The following BMPR1B variants were observed in gnomAD, a reference collection of about 807,000 sequenced individuals.
BMPR1B encodes the protein bone morphogenetic protein receptor type 1B, also known as bone morphogenetic protein receptor type-1B.
A neutral mutation model predicts 59.1 loss-of-function variants in BMPR1B; 12 were observed. The ratio of observed to expected loss-of-function variants is 0.20; its 90% CI spans 0.13 to 0.33. BMPR1B has a LOEUF of 0.33. Ranked by LOEUF, BMPR1B falls within the 10% of genes least tolerant of loss-of-function variation. The pLI is 1.00. For synonymous variants in BMPR1B, 237 were observed against 207.3 expected, an observed-to-expected ratio of 1.14 and a Z score of -1.23; for missense variants, 550 against 610.9, an observed-to-expected ratio of 0.90 and a Z score of 1.05.
chr4:95,101,256 A>G (rs1022219975), intron 3 of BMPR1B, among the ~76,000 whole-genome samples: 1 of 152,106 alleles, frequency 6.6e-6, no homozygotes, highest in South Asian at 2.1e-4. Flanking sequence ...TGTTCACTGA[A>G]TGTTTGCAGT....
At chr4:94,764,167 A>T (rs1204453562) in intron 1 of BMPR1B, among the ~76,000 whole-genome samples, 2 of 152,164 alleles carry the variant, frequency 1.3e-5, no homozygotes, top group African/African-American at 4.8e-5. Flanking sequence ...GCCACTCCAG[A>T]ACCACTCTCA....
At chr4:94,929,092 A>G (rs1728997183) in intron 2 of BMPR1B, among the ~76,000 whole-genome samples, 1 of 152,150 alleles carries the variant, frequency 6.6e-6, no homozygotes, top group African/African-American at 2.4e-5. Context: ...ATTGTGGAGC[A>G]TGAAACTTGG....
intron 2 of BMPR1B, among the ~76,000 whole-genome samples, chr4:94,959,599 A>G (rs1036833227): frequency 1.3e-5 from 2 of 152,198 alleles, no homozygotes; most frequent in Non-Finnish European, 2.9e-5. Flanking sequence ...CACATTGGCT[A>G]TCTTTATAAG....
intron 3 of BMPR1B, among the ~76,000 whole-genome samples, chr4:95,035,121 A>G (rs941667573): frequency 4.0e-5 from 6 of 151,896 alleles, no homozygotes; most frequent in African/African-American, 1.4e-4. Context: ...CCACTTTTCA[A>G]TGGGATTATT....
At chr4:94,970,896 AT>A (rs961044883) in intron 2 of BMPR1B, among the ~76,000 whole-genome samples, 11 of 151,968 alleles carry the variant, frequency 7.2e-5, no homozygotes, top group Admixed American at 2.0e-4. Flanking sequence ...TTTAAGTTAC[AT>A]TTTTTTGGAT....
chr4:94,925,478 A>G (rs1728849128), intron 2 of BMPR1B, among the ~76,000 whole-genome samples: 1 of 152,144 alleles, frequency 6.6e-6, no homozygotes, highest in Non-Finnish European at 1.5e-5. Flanking sequence ...TCTTAATCAC[A>G]TACTGGCTTC....
chr4:94,982,938 T>G, intron 2 of BMPR1B, among the ~76,000 whole-genome samples: 1 of 150,802 alleles, frequency 6.6e-6, no homozygotes, highest in South Asian at 2.1e-4. Flanking sequence ...TGAGAGGAGA[T>G]CGTGCCACTG....
At chr4:94,849,248 C>A (rs574549255) in intron 1 of BMPR1B, among the ~76,000 whole-genome samples, 3 of 151,868 alleles carry the variant, frequency 2.0e-5, no homozygotes, top group African/African-American at 7.3e-5. Flanking sequence ...TGTGTCCTGG[C>A]AGCCATGTGA....
At chr4:94,954,076 T>C (rs1730051563) in intron 2 of BMPR1B, among the ~76,000 whole-genome samples, 1 of 152,172 alleles carries the variant, frequency 6.6e-6, no homozygotes, top group Admixed American at 6.5e-5. Context: ...TTGTGTATGC[T>C]TCACAAAGTT....
intron 3 of BMPR1B, among the ~76,000 whole-genome samples, chr4:95,097,281 G>GA (rs1730500871): frequency 6.6e-6 from 1 of 151,056 alleles, no homozygotes; most frequent in Non-Finnish European, 1.5e-5. Flanking sequence ...AGGAATAAAA[G>GA]AAAAAAATGG....
At chr4:94,908,266 G>A (rs1414509430) in intron 2 of BMPR1B, among the ~76,000 whole-genome samples, 1 of 151,042 alleles carries the variant, frequency 6.6e-6, no homozygotes, top group Non-Finnish European at 1.5e-5. Flanking sequence ...ATTTTGTAAG[G>A]GTAAATTTAA....
intron 1 of BMPR1B, among the ~76,000 whole-genome samples, chr4:94,760,193 A>G (rs1721706009): frequency 6.6e-6 from 1 of 152,182 alleles, no homozygotes. Flanking sequence ...CACTATTTAT[A>G]GGGGCTTTGC....
intron 3 of BMPR1B, among the ~76,000 whole-genome samples, chr4:95,058,148 A>G (rs140828091): frequency 1.3e-3 from 205 of 152,320 alleles, no homozygotes; most frequent in African/African-American, 4.9e-3. Context: ...ATGTCTCATA[A>G]AGAACATCTC....
At chr4:94,827,540 G>A (rs1724428961) in intron 1 of BMPR1B, among the ~76,000 whole-genome samples, 1 of 152,112 alleles carries the variant, frequency 6.6e-6, no homozygotes, top group African/African-American at 2.4e-5. Flanking sequence ...TTAGGCATGT[G>A]AGCAGACAAA....
intron 1 of BMPR1B, among the ~76,000 whole-genome samples, chr4:94,766,154 G>A (rs1175758679): frequency 2.0e-5 from 3 of 152,080 alleles, no homozygotes; most frequent in African/African-American, 7.2e-5. Flanking sequence ...AACCCTTTCT[G>A]AGCCTTTGTT....
At chr4:94,858,974 C>T (rs933159781) in intron 1 of BMPR1B, among the ~76,000 whole-genome samples, 7 of 152,080 alleles carry the variant, frequency 4.6e-5, no homozygotes, top group Non-Finnish European at 1.0e-4. Context: ...GAGATGACTA[C>T]CTTTGTTTTT....
chr4:95,083,764 A>G (rs1729355235), intron 3 of BMPR1B, among the ~76,000 whole-genome samples: 1 of 152,238 alleles, frequency 6.6e-6, no homozygotes, highest in South Asian at 2.1e-4. Flanking sequence ...TAACCACTCC[A>G]TAATGCTTAT....
chr4:95,012,402 GGT>G (rs1416508889), intron 3 of BMPR1B, among the ~76,000 whole-genome samples: 3 of 152,248 alleles, frequency 2.0e-5, no homozygotes, highest in South Asian at 2.1e-4. Flanking sequence ...TCAGAAGGAA[GGT>G]GTGTTTTTTA....
chr4:94,885,210 A>G (rs1727124087), intron 2 of BMPR1B, among the ~76,000 whole-genome samples: 3 of 152,266 alleles, frequency 2.0e-5, no homozygotes, highest in South Asian at 2.1e-4. Flanking sequence ...TGAGCAATTA[A>G]TGTTTGGAGC....
Sources: allele counts gnomAD v4.1 joint callset (sites outside exome capture counted in the v4.1 genomes callset), GRCh38; gene constraint gnomAD v4.1.1; transcripts MANE v1.5; gene names NCBI Gene and HGNC (gene_info 2026-07-23, HGNC 2026-07-21).